Variants in ZNF532 observed in about 807,000 individuals in gnomAD.
ZNF532 encodes zinc finger protein 532.
ZNF532 carries 22 observed loss-of-function variants against 89.3 expected under a neutral mutation model. That is an observed-to-expected ratio of 0.25 (90% CI 0.18 to 0.35). ZNF532 has a LOEUF of 0.35. Ranked by LOEUF, ZNF532 falls within the 10% of genes least tolerant of loss-of-function variation. The probability of loss-of-function intolerance (pLI) is 1.00; values close to 1 mark genes in which losing one functional copy is unlikely to be tolerated. For missense variants in ZNF532, 1,132 were observed against 1,643.4 expected (o/e 0.69, Z 5.38); for synonymous variants, 606 against 649.6 (o/e 0.93, Z 1.02).
At chr18:58,942,240 T>A (rs770673336) in intron 5 of ZNF532, among the ~76,000 whole-genome samples, 1 of 150,692 alleles carries the variant, frequency 6.6e-6, no homozygotes, top group Non-Finnish European at 1.5e-5. Flanking sequence ...GCCAGGATGG[T>A]CTCGAACTCC....
intron 2 of ZNF532, among the ~76,000 whole-genome samples, chr18:58,880,761 C>CGT (rs1491451978): frequency 0.11 from 8,795 of 81,288 alleles, 757 homozygotes; most frequent in East Asian, 0.42. Flanking sequence ...GGCGCGCGCG[C>CGT]ACGCGCGCGC....
At chr18:58,912,992 A>C (rs886757361) in intron 2 of ZNF532, among the ~76,000 whole-genome samples, 1 of 152,180 alleles carries the variant, frequency 6.6e-6, no homozygotes, top group Non-Finnish European at 1.5e-5. Context: ...GTGAAGAAGC[A>C]TGAGGTCGAC....
intron 5 of ZNF532, among the ~76,000 whole-genome samples, chr18:58,945,316 C>G (rs1290146431): frequency 6.6e-6 from 1 of 152,188 alleles, no homozygotes; most frequent in Admixed American, 6.5e-5. Flanking sequence ...ATGCTTTTCT[C>G]AAAGGATCAC....
At chr18:58,884,930 C>T (rs908356169) in intron 2 of ZNF532, among the ~76,000 whole-genome samples, 6 of 150,760 alleles carry the variant, frequency 4.0e-5, no homozygotes, top group Non-Finnish European at 7.4e-5. Flanking sequence ...TAGACCGTTT[C>T]AGTATTTCTA....
intron 2 of ZNF532, among the ~76,000 whole-genome samples, chr18:58,868,411 T>C (rs79698735): frequency 0.022 from 3,363 of 152,300 alleles, 116 homozygotes; most frequent in African/African-American, 0.077. Context: ...GAGTCACTTA[T>C]CCACCACCAC....
chr18:58,918,251 A>G lies in ZNF532; in HGVS notation c.-17-20A>G. Reference sequence around the variant, plus strand: ...GGAAATACCAATTACTGATGGAACTATTTTCTGCTCATTTAACAGAACATC... The same window carrying G: ...GGAAATACCAATTACTGATGGAACTGTTTTCTGCTCATTTAACAGAACATC... On this transcript the variant is annotated intron_variant, in intron 2 of 9. Transcript: ENST00000591808. The G allele has an allele frequency of 6.3e-7, 1 of 1,590,812 alleles. No homozygotes were observed. Among genetic ancestry groups the G allele is most frequent in the Non-Finnish European group, 8.6e-7 (1 of 1,167,660 alleles).
At chr18:58,959,260 G>GTTTTTTTTTTT (rs1459830009) in intron 7 of ZNF532, among the ~76,000 whole-genome samples, 3 of 128,706 alleles carry the variant, frequency 2.3e-5, no homozygotes, top group African/African-American at 9.9e-5. Flanking sequence ...TTTGTTTTTT[G>GTTTTTTTTTTT]TTTTTTTTTG....
chr18:58,972,326 G>A (rs2066552084), intron 7 of ZNF532, among the ~76,000 whole-genome samples: 1 of 152,344 alleles, frequency 6.6e-6, no homozygotes, highest in East Asian at 1.9e-4. Context: ...ACACATCAGT[G>A]TGTATATTCA....
At chr18:58,891,267 CG>C (rs796314801) in intron 2 of ZNF532, among the ~76,000 whole-genome samples, 14 of 152,184 alleles carry the variant, frequency 9.2e-5, no homozygotes, top group African/African-American at 2.6e-4. Context: ...TGGTGGCTCA[CG>C]CCTGTAATCC....
rs1272006159 is a variant in ZNF532, at chr18:58,917,294, GTTAT to G, written c.-17-974_-17-971del. On this transcript the variant is annotated intron_variant, in intron 2 of 9. Transcript: ENST00000591808. ...AACCCAGTGCCTGTCTTGGTGTTGC[GTTAT>G]TTGACATTTATGCTAGAAAGATGAG... Among the ~76,000 whole-genome samples the G allele has an allele frequency of 5.3e-5, 8 of 152,218 alleles. No homozygotes were observed. The East Asian group carries it at 1.3e-3, about 26-fold the overall frequency.
intron 7 of ZNF532, among the ~76,000 whole-genome samples, chr18:58,969,105 G>A (rs1214222219): frequency 6.6e-6 from 1 of 152,178 alleles, no homozygotes; most frequent in Non-Finnish European, 1.5e-5. Context: ...TTAGTTTTAA[G>A]TTGGGAAAAC....
intron 2 of ZNF532, among the ~76,000 whole-genome samples, chr18:58,896,119 T>C (rs1312092433): frequency 3.9e-5 from 6 of 152,130 alleles, no homozygotes. Flanking sequence ...TCCCAAAGTG[T>C]TGAAATTATG....
chr18:58,927,108 T>C (rs529123379), intron 3 of ZNF532, among the ~76,000 whole-genome samples: 159 of 152,306 alleles, frequency 1.0e-3, no homozygotes, highest in African/African-American at 3.7e-3. Flanking sequence ...TTGGTAGAAT[T>C]CTCCAATGAA....
chr18:58,938,856 T>C (rs2062699869), intron 4 of ZNF532, among the ~76,000 whole-genome samples: 1 of 152,214 alleles, frequency 6.6e-6, no homozygotes, highest in South Asian at 2.1e-4. Context: ...AAAACAGTGG[T>C]CTGGAGATTT....
chr18:58,903,279 A>G (rs2145704592), intron 2 of ZNF532, among the ~76,000 whole-genome samples: 1 of 152,308 alleles, frequency 6.6e-6, no homozygotes, highest in Non-Finnish European at 1.5e-5. Context: ...AGGGCAAACT[A>G]AGAAGGAAAG....
At chr18:58,906,054 G>T (rs553641120) in intron 2 of ZNF532, among the ~76,000 whole-genome samples, 3 of 152,176 alleles carry the variant, frequency 2.0e-5, no homozygotes, top group Admixed American at 6.5e-5. Flanking sequence ...CATACTGTCC[G>T]TGTAACTTAC....
intron 5 of ZNF532, 142 bp downstream of exon 5, chr18:58,939,763 AG>A: frequency 1.6e-6 from 1 of 624,332 alleles, no homozygotes; most frequent in East Asian, 3.0e-5. Flanking sequence ...TATGAAATAC[AG>A]CTCATAGCTC....
In ZNF532 at chr18:58,939,558, C is replaced by T. The variant is rs747781418; in HGVS notation, c.2642C>T (p.Ser881Phe). The T allele has an allele frequency of 8.3e-5, 134 of 1,613,990 alleles. No homozygotes were observed. Among genetic ancestry groups the T allele is most frequent in the Non-Finnish European group, 9.2e-5 (109 of 1,180,026 alleles). ...KCPICPMAFK[S>F]APSTHSHAYT... The stretch of plus-strand genomic sequence containing the variant: ...CCTATTTGTCCAATGGCGTTTAAGT[C>T]TGCCCCAAGCACACATTCCCACGCC... The change falls in exon 5 of 10, where the codon TCT becomes TTT. Residue 881 changes from serine to phenylalanine, a missense_variant. Coordinates refer to ENST00000591808, the MANE Select transcript of ZNF532 (RefSeq NM_001375912.1).
chr18:58,867,568 C>T (rs2056587269), intron 2 of ZNF532, among the ~76,000 whole-genome samples: 1 of 152,098 alleles, frequency 6.6e-6, no homozygotes, highest in African/African-American at 2.4e-5. Flanking sequence ...AGGGCATGTT[C>T]CTTCCTGGGA....
Sources: gnomAD v4.1 joint callset for allele counts (sites outside exome capture counted in the v4.1 genomes callset) on GRCh38, gnomAD v4.1.1 for gene constraint, MANE v1.5 for transcripts, NCBI Gene and HGNC (gene_info 2026-07-23, HGNC 2026-07-21) for gene names.